The following ADAMTSL1 variants were observed in gnomAD, a reference collection of about 807,000 sequenced individuals.
ADAMTSL1 encodes ADAMTS-like protein 1.
Under a neutral mutation model 201.8 loss-of-function variants are expected in ADAMTSL1, and 126 were observed. The observed-to-expected ratio is 0.62, with a 90% CI of 0.54 to 0.72. ADAMTSL1 has a LOEUF of 0.72. Among genes scored for constraint, ADAMTSL1 ranks in the 30% least tolerant of loss-of-function variants. The pLI, the probability that ADAMTSL1 is intolerant of heterozygous loss-of-function variation, is 0.00. For synonymous variants in ADAMTSL1, 1,121 were observed against 903.4 expected (o/e 1.24, Z -4.32); for missense variants, 2,679 against 2,277.8 (o/e 1.18, Z -3.59).
chr9:18,433,081 C>G (rs535179185), intron 2 of ADAMTSL1, among the ~76,000 whole-genome samples: 87 of 152,128 alleles, frequency 5.7e-4, no homozygotes, highest in African/African-American at 2.0e-3. Flanking sequence ...AACAAAACCT[C>G]CTGTTTGTTT....
At chr9:18,639,556 G>C (rs749363575) in intron 7 of ADAMTSL1, 145 bp downstream of exon 7, 2 of 877,404 alleles carry the variant, frequency 2.3e-6, no homozygotes, top group African/African-American at 3.4e-5. Context: ...TGAGGGTGTT[G>C]AGCTAGCTGC....
intron 1 of ADAMTSL1, among the ~76,000 whole-genome samples, chr9:17,951,047 A>T (rs7851449): frequency 2.0e-5 from 3 of 151,988 alleles, no homozygotes; most frequent in African/African-American, 7.3e-5. Flanking sequence ...AATTCCTCTA[A>T]AAGAGAAGGT....
chr9:18,402,319 T>G (rs184825710), intron 2 of ADAMTSL1, among the ~76,000 whole-genome samples: 1 of 152,352 alleles, frequency 6.6e-6, no homozygotes, highest in South Asian at 2.1e-4. Context: ...CAATTCTAAG[T>G]TGGAATATCT....
chr9:18,273,567 T>C (rs991059267), intron 2 of ADAMTSL1, among the ~76,000 whole-genome samples: 59 of 152,244 alleles, frequency 3.9e-4, no homozygotes, highest in Admixed American at 1.2e-3. Context: ...CCTGGTTACA[T>C]TTATCTTCCA....
In ADAMTSL1 at chr9:18,706,979, C is replaced by A; in HGVS notation, c.1807C>A (p.Gln603Lys). 6.2e-7 allele frequency: 1 copy of A among 1,613,932 alleles called. No homozygotes were observed. Among genetic ancestry groups the A allele is most frequent in the South Asian group, 1.1e-5 (1 of 91,082 alleles). The change falls in exon 14 of 29, where the codon CAG becomes AAG. Residue 603 changes from glutamine to lysine, a missense_variant. By Grantham distance (53) the Gln-to-Lys change is moderately conservative (BLOSUM62 1). Coordinates refer to ENST00000380548, the MANE Select transcript of ADAMTSL1 (RefSeq NM_001040272.6). ...DETDGLFGGL[Q>K]DFDELYDWEY... Reference sequence around the variant, plus strand: ...GACAGATGGGCTCTTTGGTGGCCTGCAGGATTTCGACGAGCTGTATGACTG... The same window carrying A: ...GACAGATGGGCTCTTTGGTGGCCTGAAGGATTTCGACGAGCTGTATGACTG...
At chr9:18,146,103 C>T (rs958329491) in intron 1 of ADAMTSL1, among the ~76,000 whole-genome samples, 9 of 152,100 alleles carry the variant, frequency 5.9e-5, no homozygotes, top group Non-Finnish European at 1.2e-4. Context: ...GGATACAAAG[C>T]AACACATTCT....
chr9:18,309,238 C>T (rs1027303617), intron 2 of ADAMTSL1, among the ~76,000 whole-genome samples: 17 of 152,038 alleles, frequency 1.1e-4, no homozygotes, highest in Non-Finnish European at 7.4e-5. Context: ...TCTTACTGAA[C>T]GGGCAAAACC....
In ADAMTSL1 at chr9:18,004,169, G is replaced by A. The variant is rs1301326440; in HGVS notation, c.87+97247G>A. ...GGAAATGTTTCAGCTAGCAATAAAA[G>A]GGTTTCATATGCACATGGAATGATT... On this transcript the variant is annotated intron_variant, in intron 1 of 29. Coordinates refer to the ADAMTSL1 transcript ENST00000680146. 1.3e-5 allele frequency among the ~76,000 whole-genome samples: 2 copies of A among 151,946 alleles called. 1 individual carries two copies. The highest frequency in any genetic ancestry group is 2.9e-5 in the Non-Finnish European group (2 of 67,966).
chr9:18,083,905 C>T (rs1272281136), intron 1 of ADAMTSL1, among the ~76,000 whole-genome samples: 4 of 152,104 alleles, frequency 2.6e-5, no homozygotes, highest in African/African-American at 4.8e-5. Flanking sequence ...TTCTTGTTTC[C>T]GTAGACCTAG....
intron 2 of ADAMTSL1, among the ~76,000 whole-genome samples, chr9:18,285,164 C>T (rs1200493432): frequency 6.6e-6 from 1 of 152,120 alleles, no homozygotes; most frequent in African/African-American, 2.4e-5. Flanking sequence ...TTCAAACTCT[C>T]AAAGGCAGTA....
intron 14 of ADAMTSL1, among the ~76,000 whole-genome samples, chr9:18,714,596 G>T (rs9406756): frequency 7.5e-6 from 1 of 134,062 alleles, no homozygotes; most frequent in Non-Finnish European, 1.7e-5. Flanking sequence ...TGAAATTGTG[G>T]CAATAATCAA....
At chr9:18,707,162 G>A in intron 14 of ADAMTSL1, 114 bp downstream of exon 14, 5 of 1,324,462 alleles carry the variant, frequency 3.8e-6, no homozygotes, top group East Asian at 2.4e-5. Flanking sequence ...GCAGGAGGAG[G>A]AGGGGAGGCA....
chr9:18,255,392 G>A (rs1386633619), intron 2 of ADAMTSL1, among the ~76,000 whole-genome samples: 1 of 152,030 alleles, frequency 6.6e-6, no homozygotes, highest in African/African-American at 2.4e-5. Flanking sequence ...AGTAAAAACA[G>A]ACGAAACTCT....
chr9:18,612,493 C>G (rs1825442201), intron 4 of ADAMTSL1, among the ~76,000 whole-genome samples: 1 of 152,200 alleles, frequency 6.6e-6, no homozygotes, highest in African/African-American at 2.4e-5. Context: ...TCTAGGTGGA[C>G]AGTGAACAGG....
chr9:18,502,416 C>T (rs1166809738), intron 1 of ADAMTSL1, among the ~76,000 whole-genome samples: 2 of 152,122 alleles, frequency 1.3e-5, no homozygotes. Context: ...TATTCACATG[C>T]GGCAAACAAA....
chr9:18,407,226 C>G (rs1028201445), intron 2 of ADAMTSL1, among the ~76,000 whole-genome samples: 1 of 152,158 alleles, frequency 6.6e-6, no homozygotes, highest in Non-Finnish European at 1.5e-5. Flanking sequence ...ACAGAGAAGA[C>G]AGACATTTGA....
chr9:18,315,858 G>A (rs375665918), intron 2 of ADAMTSL1, among the ~76,000 whole-genome samples: 2 of 152,188 alleles, frequency 1.3e-5, no homozygotes, highest in East Asian at 1.9e-4. Context: ...GAGCGAGCGA[G>A]GGCTGCTAGC....
At chr9:18,357,445 C>A in intron 2 of ADAMTSL1, among the ~76,000 whole-genome samples, 1 of 152,090 alleles carries the variant, frequency 6.6e-6, no homozygotes, top group Non-Finnish European at 1.5e-5. Context: ...GGCATAGATT[C>A]CTAGAGGGCA....
At chr9:18,287,633 A>ATGTGTG (rs1395181720) in intron 2 of ADAMTSL1, among the ~76,000 whole-genome samples, 25 of 142,160 alleles carry the variant, frequency 1.8e-4, no homozygotes, top group African/African-American at 6.4e-4. Context: ...ACATATACGC[A>ATGTGTG]TATATGTATG....
Sources: gnomAD v4.1 joint callset for allele counts (sites outside exome capture counted in the v4.1 genomes callset) on GRCh38, gnomAD v4.1.1 for gene constraint, MANE v1.5 for transcripts, NCBI Gene and HGNC (gene_info 2026-07-23, HGNC 2026-07-21) for gene names.